The following DIAPH1 variants were observed in gnomAD, a reference collection of about 807,000 sequenced individuals.
DIAPH1 encodes the protein protein diaphanous homolog 1.
Under a neutral mutation model 140.7 loss-of-function variants are expected in DIAPH1, and 46 were observed. The ratio of observed to expected loss-of-function variants is 0.33; its 90% CI spans 0.26 to 0.42. The LOEUF (loss-of-function observed/expected upper bound fraction) is 0.42, where lower values mean the gene tolerates loss of function less well. Among genes scored for constraint, DIAPH1 ranks in the 10% least tolerant of loss-of-function variants. The pLI, the probability that DIAPH1 is intolerant of heterozygous loss-of-function variation, is 1.00. For missense variants in DIAPH1, 1,310 were observed against 1,558.7 expected, an observed-to-expected ratio of 0.84 and a Z score of 2.69; for synonymous variants, 565 against 551.6, an observed-to-expected ratio of 1.02 and a Z score of -0.34.
rs1250410911 is a variant in DIAPH1, at chr5:141,526,293, T to C, written c.3438+4A>G. 6.2e-7 allele frequency: 1 copy of C among 1,614,052 alleles called. No individual in the cohort carries two copies. The highest frequency in any genetic ancestry group is 8.5e-7 in the Non-Finnish European group (1 of 1,180,032). ...GATTCAGTCAGCAAGTATCCCTTGC[T>C]CACCAAAAACATATTCCGAAAATTG... On this transcript the variant is annotated splice_donor_region_variant and intron_variant, in intron 25 of 27. Transcript: ENST00000389054.
chr5:141,577,693 C>T, intron 11 of DIAPH1, 102 bp from the exon 12 acceptor site: 1 of 784,696 alleles, frequency 1.3e-6, no homozygotes, highest in South Asian at 1.4e-5. Flanking sequence ...TAGCAAGACA[C>T]CACTTCCATT....
intron 23 of DIAPH1, among the ~76,000 whole-genome samples, chr5:141,527,989 A>T (rs1343554971): frequency 6.6e-6 from 1 of 152,186 alleles, no homozygotes; most frequent in African/African-American, 2.4e-5. Context: ...GAATCTATGA[A>T]ATCCCCTGAG....
intron 18 of DIAPH1, among the ~76,000 whole-genome samples, chr5:141,552,573 C>T (rs576662244): frequency 7.2e-5 from 11 of 152,130 alleles, no homozygotes; most frequent in Admixed American, 7.2e-4. Context: ...TACAGCCCTG[C>T]CAACATTTCG....
chr5:141,535,738 A>C (rs1384057992), intron 18 of DIAPH1, among the ~76,000 whole-genome samples: 2 of 152,202 alleles, frequency 1.3e-5, no homozygotes, highest in African/African-American at 4.8e-5. Flanking sequence ...ATAATTGTAA[A>C]ATACTTTGTA....
intron 4 of DIAPH1, among the ~76,000 whole-genome samples, 181 bp downstream of exon 4, chr5:141,583,943 C>T (rs1474326623): frequency 1.3e-5 from 2 of 151,962 alleles, no homozygotes; most frequent in Admixed American, 1.3e-4. Context: ...GAAAATTTAA[C>T]CAGGCAAAAT....
chr5:141,547,470 TAAATAA>T (rs1004555137), intron 18 of DIAPH1, among the ~76,000 whole-genome samples: 8 of 151,666 alleles, frequency 5.3e-5, no homozygotes, highest in African/African-American at 1.9e-4. Flanking sequence ...CAAAAATAAA[TAAATAA>T]AAATAAAAAA....
rs149667082 is a variant in DIAPH1 at position 141,617,480 on chromosome 5, G to A, written c.117+1318C>T. On this transcript the variant is annotated intron_variant, in intron 1 of 27. Coordinates refer to ENST00000389054, the MANE Select transcript of DIAPH1 (RefSeq NM_005219.5). Reference sequence around the variant, plus strand: ...CAGGGTTAACATCTCAACCCTCTAGGTCATAAAACAACATTTTCTTCCTGT... The same window carrying A: ...CAGGGTTAACATCTCAACCCTCTAGATCATAAAACAACATTTTCTTCCTGT... Among the ~76,000 whole-genome samples the A allele has an allele frequency of 6.6e-4, 100 of 152,220 alleles. No homozygotes were observed. In the East Asian group the frequency reaches 0.016, roughly 25 times the overall value.
At chr5:141,609,519 CCA>C (rs1406997358) in intron 1 of DIAPH1, among the ~76,000 whole-genome samples, 7 of 152,118 alleles carry the variant, frequency 4.6e-5, no homozygotes, top group African/African-American at 1.7e-4. Flanking sequence ...GATCTGAGTT[CCA>C]GTTTCATTAC....
intron 9 of DIAPH1, 130 bp from the exon 10 acceptor site, chr5:141,578,755 T>C: frequency 1.3e-6 from 1 of 752,998 alleles, no homozygotes; most frequent in Non-Finnish European, 2.3e-6. Context: ...AAAGATGACT[T>C]TTCTACTATA....
At chr5:141,615,050 T>C (rs1359968313) in intron 1 of DIAPH1, among the ~76,000 whole-genome samples, 1 of 152,200 alleles carries the variant, frequency 6.6e-6, no homozygotes, top group Non-Finnish European at 1.5e-5. Context: ...TCTATTACTT[T>C]GCATTTAGAA....
At chr5:141,579,016 AAAGGTC>A in intron 9 of DIAPH1, 66 bp downstream of exon 9, 1 of 1,155,894 alleles carries the variant, frequency 8.7e-7, no homozygotes, top group Non-Finnish European at 1.3e-6. Context: ...TATTTTATTA[AAAGGTC>A]AAATGAATTT....
At chr5:141,617,224 A>G (rs1488813351) in intron 1 of DIAPH1, among the ~76,000 whole-genome samples, 3 of 151,908 alleles carry the variant, frequency 2.0e-5, no homozygotes, top group Non-Finnish European at 4.4e-5. Flanking sequence ...TTCTTATCCT[A>G]AAGAAACATA....
intron 2 of DIAPH1, chr5:141,587,618 T>C (rs952967758): frequency 8.2e-6 from 2 of 245,246 alleles, no homozygotes; most frequent in African/African-American, 4.5e-5. Context: ...TCAAGAGGTA[T>C]TACTACAGAT....
intron 19 of DIAPH1, among the ~76,000 whole-genome samples, chr5:141,531,227 G>A (rs558667776): frequency 2.6e-5 from 4 of 152,010 alleles, no homozygotes; most frequent in Admixed American, 6.5e-5. Context: ...ACCACTTTCC[G>A]CAGAGTGACC....
At chr5:141,577,837 G>A (rs995021331) in intron 11 of DIAPH1, among the ~76,000 whole-genome samples, 2 of 152,158 alleles carry the variant, frequency 1.3e-5, no homozygotes, top group African/African-American at 4.8e-5. Flanking sequence ...AGATCAGGCA[G>A]TAGACAGAAA....
intron 1 of DIAPH1, 137 bp downstream of exon 1, chr5:141,618,661 G>A (rs1181213858): frequency 1.7e-6 from 1 of 606,008 alleles, no homozygotes; most frequent in Non-Finnish European, 3.0e-6. Flanking sequence ...GGGCTGCAGA[G>A]CTGCGGACCG....
At chr5:141,587,908 T>G (rs1383861660) in intron 2 of DIAPH1, among the ~76,000 whole-genome samples, 1 of 152,216 alleles carries the variant, frequency 6.6e-6, no homozygotes, top group Non-Finnish European at 1.5e-5. Context: ...AAGCAACAGC[T>G]TATCAGCTCT....
intron 18 of DIAPH1, among the ~76,000 whole-genome samples, chr5:141,551,329 G>A (rs535771737): frequency 6.8e-4 from 103 of 152,186 alleles, no homozygotes; most frequent in African/African-American, 2.4e-3. Context: ...GGTGGCACAC[G>A]CCTGTAGTCC....
chr5:141,577,491 T>C lies in DIAPH1; in HGVS notation c.1264A>G (p.Asn422Asp), dbSNP rs1401459362. ...GCATCTTACCTGGCCTCATAGTCAT[T>C]TCGGACCAAGAGTAAGTGCTGCAGG... ...SILQHLLLVR[N>D]DYEARPQYYK... Residue 422 changes from asparagine to aspartate, a missense_variant, in exon 12 of 28, where the codon AAT becomes GAT. By Grantham distance (23) the Asn-to-Asp change is conservative (BLOSUM62 1). Around this residue, in one of 3 missense-constraint regions of DIAPH1, gnomAD observed 589 missense variants for 549.3 expected, o/e 1.07. Transcript: ENST00000389054. 6.2e-7 allele frequency: 1 copy of C among 1,612,826 alleles called. No individual in the cohort carries two copies. Among genetic ancestry groups the C allele is most frequent in the South Asian group, 1.1e-5 (1 of 91,056 alleles).
Sources: gnomAD v4.1 joint callset for allele counts (sites outside exome capture counted in the v4.1 genomes callset) on GRCh38, gnomAD v4.1.1 for gene constraint, gnomAD v4.1.1 regional missense constraint, MANE v1.5 for transcripts, NCBI Gene and HGNC (gene_info 2026-07-23, HGNC 2026-07-21) for gene names.